The following TDRD7 variants were observed in gnomAD, a reference collection of about 807,000 sequenced individuals.
The protein encoded by TDRD7 is tudor domain containing 7.
TDRD7 carries 47 observed loss-of-function variants against 109.8 expected under a neutral mutation model. The observed-to-expected ratio is 0.43, with a 90% CI of 0.34 to 0.55. The LOEUF (loss-of-function observed/expected upper bound fraction) is 0.55, where lower values mean the gene tolerates loss of function less well. Ranked by LOEUF, TDRD7 falls within the 20% of genes least tolerant of loss-of-function variation. The pLI is 0.03. For synonymous variants in TDRD7, 424 were observed against 457.3 expected (o/e 0.93, Z 0.93); for missense variants, 1,164 against 1,319.2 (o/e 0.88, Z 1.82).
chr9:97,432,202 C>T lies in TDRD7; in HGVS notation c.527C>T (p.Pro176Leu). Residue 176 changes from proline to leucine, a missense_variant, in exon 4 of 17, where the codon CCA (proline) becomes CTA (leucine). Pro to Leu is a moderately conservative substitution (Grantham distance 98, BLOSUM62 -3). Transcript: ENST00000355295. ...GGAAATGAAGCATTCAAAGACATTCCAGTGCAAAGGCATGTGACCATGTCC... is the reference window on the plus strand; with the variant it reads ...GGAAATGAAGCATTCAAAGACATTCTAGTGCAAAGGCATGTGACCATGTCC... ...TLGNEAFKDI[P>L]VQRHVTMSTN... 1 of 1,613,782 alleles carries T rather than the reference C, an allele frequency of 6.2e-7. No homozygotes were observed. Among genetic ancestry groups the T allele is most frequent in the Non-Finnish European group, 8.5e-7 (1 of 1,179,736 alleles).
intron 1 of TDRD7, 45 bp from the exon 2 acceptor site, chr9:97,428,415 A>G: frequency 1.3e-6 from 2 of 1,576,812 alleles, no homozygotes; most frequent in Admixed American, 1.7e-5. Context: ...TGAATTCACA[A>G]ACGAATGAGC....
In TDRD7 at chr9:97,428,288, T is replaced by G. The variant is rs565347666; in HGVS notation, c.-6-172T>G. Among the ~76,000 whole-genome samples, 5 of 152,342 alleles carry G rather than the reference T, an allele frequency of 3.3e-5. No individual in the cohort carries two copies. The East Asian group carries it at 9.6e-4, about 29-fold the overall frequency. ...TTGTGCCTTCTGACTTTCCCCTGCATTCTTATGGTATTTGTGCTTTTCTCT... is the reference window on the plus strand; with the variant it reads ...TTGTGCCTTCTGACTTTCCCCTGCAGTCTTATGGTATTTGTGCTTTTCTCT... On this transcript the variant is annotated intron_variant, in intron 1 of 16. Transcript: ENST00000355295.
intron 16 of TDRD7, 34 bp from the exon 17 acceptor site, chr9:97,495,629 T>G (rs1249159606): frequency 2.4e-5 from 39 of 1,592,988 alleles, no homozygotes; most frequent in Non-Finnish European, 3.4e-5. Flanking sequence ...CTTTGACTCC[T>G]CACTGCTCCC....
At chr9:97,461,969 A>G (rs1828733056) in intron 7 of TDRD7, among the ~76,000 whole-genome samples, 1 of 152,248 alleles carries the variant, frequency 6.6e-6, no homozygotes, top group Non-Finnish European at 1.5e-5. Flanking sequence ...GAGTGAACCT[A>G]GTATCTTCAG....
chr9:97,444,249 A>G (rs888379881), intron 6 of TDRD7, among the ~76,000 whole-genome samples: 1 of 152,148 alleles, frequency 6.6e-6, no homozygotes, highest in African/African-American at 2.4e-5. Context: ...TTTCCTATCT[A>G]TATATTGTGT....
chr9:97,483,480 T>A, intron 15 of TDRD7, 129 bp downstream of exon 15: 1 of 1,154,668 alleles, frequency 8.7e-7, no homozygotes, highest in Non-Finnish European at 1.2e-6. Context: ...ACAAACACAG[T>A]AATTTTTCCG....
At chr9:97,482,648 G>A (rs1216743948) in intron 14 of TDRD7, among the ~76,000 whole-genome samples, 1 of 152,014 alleles carries the variant, frequency 6.6e-6, no homozygotes, top group Non-Finnish European at 1.5e-5. Context: ...ATTTCCATAA[G>A]GCTGCACTGT....
At chr9:97,413,073 CATCCA>C (rs1435491084) in intron 1 of TDRD7, among the ~76,000 whole-genome samples, 1 of 152,174 alleles carries the variant, frequency 6.6e-6, no homozygotes, top group Non-Finnish European at 1.5e-5. Flanking sequence ...GATCACCGCC[CATCCA>C]AACCAAACCA....
chr9:97,471,927 C>A (rs1828922066), intron 9 of TDRD7, among the ~76,000 whole-genome samples: 1 of 152,164 alleles, frequency 6.6e-6, no homozygotes. Context: ...AAGTGCATTA[C>A]AAACATATGA....
intron 5 of TDRD7, among the ~76,000 whole-genome samples, chr9:97,440,416 A>G (rs1041816634): frequency 5.3e-5 from 8 of 152,358 alleles, no homozygotes; most frequent in Non-Finnish European, 8.8e-5. Flanking sequence ...AGCTGCTGAC[A>G]CATTCTCATT....
intron 7 of TDRD7, among the ~76,000 whole-genome samples, chr9:97,461,984 T>C (rs925688858): frequency 1.3e-5 from 2 of 152,228 alleles, no homozygotes; most frequent in African/African-American, 2.4e-5. Context: ...CTTCAGATGC[T>C]CAAACTGGAA....
At chr9:97,481,153 T>G (rs548782904) in intron 14 of TDRD7, among the ~76,000 whole-genome samples, 2 of 152,256 alleles carry the variant, frequency 1.3e-5, no homozygotes, top group African/African-American at 4.8e-5. Context: ...TCCAGTATTA[T>G]TTTTAAATCC....
chr9:97,433,320 A>G (rs921872520), intron 4 of TDRD7, among the ~76,000 whole-genome samples: 4 of 151,308 alleles, frequency 2.6e-5, no homozygotes, highest in African/African-American at 9.7e-5. Context: ...ATTTAATATT[A>G]TTTATAATTA....
intron 1 of TDRD7, among the ~76,000 whole-genome samples, chr9:97,427,437 C>A (rs145126728): frequency 6.6e-6 from 1 of 152,264 alleles, no homozygotes; most frequent in Non-Finnish European, 1.5e-5. Context: ...CTGCAGAGGT[C>A]CATCTGTAAC....
chr9:97,451,968 TC>T (rs1474719141), intron 6 of TDRD7, among the ~76,000 whole-genome samples: 2 of 152,262 alleles, frequency 1.3e-5, no homozygotes, highest in African/African-American at 2.4e-5. Flanking sequence ...TTTTCCATAC[TC>T]ATAACTGAAA....
At chr9:97,420,987 T>A (rs1417901886) in intron 1 of TDRD7, among the ~76,000 whole-genome samples, 1 of 151,914 alleles carries the variant, frequency 6.6e-6, no homozygotes, top group Non-Finnish European at 1.5e-5. Flanking sequence ...ACAAAAAAAT[T>A]AGCTGGGCGA....
At chr9:97,458,738 T>C (rs1238070010) in intron 6 of TDRD7, among the ~76,000 whole-genome samples, 1 of 152,232 alleles carries the variant, frequency 6.6e-6, no homozygotes, top group African/African-American at 2.4e-5. Context: ...TATATTAATA[T>C]CGTTCACTTC....
At chr9:97,491,550 G>A (rs890829121) in intron 16 of TDRD7, among the ~76,000 whole-genome samples, 2 of 152,178 alleles carry the variant, frequency 1.3e-5, no homozygotes, top group African/African-American at 2.4e-5. Context: ...TGTGTCTGGG[G>A]TGTGAGGGAT....
chr9:97,424,982 C>A (rs1322999378), intron 1 of TDRD7, among the ~76,000 whole-genome samples: 1 of 152,010 alleles, frequency 6.6e-6, no homozygotes, highest in Non-Finnish European at 1.5e-5. Context: ...ATATGGTTTA[C>A]AATATCCCTC....
Sources: gnomAD v4.1 joint callset for allele counts (sites outside exome capture counted in the v4.1 genomes callset) on GRCh38, gnomAD v4.1.1 for gene constraint, MANE v1.5 for transcripts, NCBI Gene and HGNC (gene_info 2026-07-23, HGNC 2026-07-21) for gene names.